LHFPL3: variants seen among roughly 807,000 people sequenced by gnomAD.
LHFPL3 encodes the protein LHFPL tetraspan subfamily member 3, also known as LHFPL tetraspan subfamily member 3 protein.
LHFPL3 carries 5 observed loss-of-function variants against 19.3 expected under a neutral mutation model. The ratio of observed to expected loss-of-function variants is 0.26; its 90% CI spans 0.14 to 0.54. The LOEUF is 0.54. Ranked by LOEUF, LHFPL3 falls within the 20% of genes least tolerant of loss-of-function variation. The probability of loss-of-function intolerance (pLI) is 0.94; values close to 1 mark genes in which losing one functional copy is unlikely to be tolerated. For synonymous variants in LHFPL3, 133 were observed against 126.2 expected (o/e 1.05, Z -0.36); for missense variants, 249 against 307.4 (o/e 0.81, Z 1.42).
At chr7:104,341,894 A>G (rs1789961461) in intron 1 of LHFPL3, among the ~76,000 whole-genome samples, 1 of 132,904 alleles carries the variant, frequency 7.5e-6, no homozygotes, top group Non-Finnish European at 1.5e-5. Flanking sequence ...AAGACTGAAA[A>G]AGAATAAAAA....
At chr7:104,455,537 AC>A (rs1298189975) in intron 1 of LHFPL3, among the ~76,000 whole-genome samples, 16 of 152,296 alleles carry the variant, frequency 1.1e-4, no homozygotes, top group African/African-American at 3.8e-4. Context: ...CCTGGCCAAC[AC>A]GGTGAAACCT....
intron 1 of LHFPL3, among the ~76,000 whole-genome samples, chr7:104,675,624 G>A (rs1230118463): frequency 6.6e-6 from 1 of 152,172 alleles, no homozygotes; most frequent in Non-Finnish European, 1.5e-5. Context: ...TTCCATTAGG[G>A]TGATAACAGA....
intron 1 of LHFPL3, among the ~76,000 whole-genome samples, chr7:104,701,059 T>G (rs1214483102): frequency 6.6e-6 from 1 of 152,230 alleles, no homozygotes; most frequent in Non-Finnish European, 1.5e-5. Context: ...GGTGGTAAAC[T>G]TTGAGTCTGT....
intron 1 of LHFPL3, among the ~76,000 whole-genome samples, chr7:104,615,377 T>G (rs1791312897): frequency 1.3e-5 from 2 of 152,204 alleles, no homozygotes; most frequent in Non-Finnish European, 2.9e-5. Flanking sequence ...TTTTAAAAAT[T>G]ATCATTGTAG....
At chr7:104,748,297 G>A (rs931552353) in intron 2 of LHFPL3, among the ~76,000 whole-genome samples, 13 of 151,632 alleles carry the variant, frequency 8.6e-5, no homozygotes, top group Admixed American at 6.6e-5. Context: ...ATATAGCCTC[G>A]TGGGAAGGGA....
chr7:104,692,601 T>A (rs968461166), intron 1 of LHFPL3, among the ~76,000 whole-genome samples: 2 of 152,352 alleles, frequency 1.3e-5, no homozygotes, highest in African/African-American at 4.8e-5. Flanking sequence ...AGGGCCAACG[T>A]ACAGCTCAGG....
In LHFPL3 at chr7:104,369,177, A is replaced by AC. The variant is rs544263716; in HGVS notation, c.445+39960dup. Among the ~76,000 whole-genome samples, 12 of 151,614 alleles carry AC rather than the reference A, an allele frequency of 7.9e-5. No homozygotes were observed. In the South Asian group the frequency reaches 1.1e-3, roughly 13 times the overall value. On this transcript the variant is annotated intron_variant, in intron 1 of 2. Transcript: ENST00000424859. Reference sequence around the variant, plus strand: ...ATCCAGTTTTAGGACATTACCATCAACCCCCCCAAAATTCTCTTGAGTCTG... The same window carrying AC: ...ATCCAGTTTTAGGACATTACCATCAACCCCCCCCAAAATTCTCTTGAGTCTG...
rs531448501 is a variant in LHFPL3, at chr7:104,880,037, C to CAAA, written c.683-26141_683-26139dup. Among the ~76,000 whole-genome samples the CAAA allele has an allele frequency of 5.5e-4, 78 of 142,796 alleles. 1 individual carries two copies. The highest frequency in any genetic ancestry group is 1.9e-3 in the African/African-American group (75 of 39,196). 93.7% of individuals were successfully genotyped at this position (142,796 alleles called of 152,430 possible). A position where few individuals can be genotyped will look rare whatever the true frequency, so the allele number is the denominator to read the frequency against. Reference sequence around the variant, plus strand: ...CAACATAGTGAGAACTCTGTCTCTTCAAAAAAAAAAACCAAAGACAGGCTC... The same window carrying CAAA: ...CAACATAGTGAGAACTCTGTCTCTTCAAAAAAAAAAAAAACCAAAGACAGGCTC... On this transcript the variant is annotated intron_variant, in intron 2 of 2. Transcript: ENST00000424859.
intron 2 of LHFPL3, among the ~76,000 whole-genome samples, chr7:104,897,288 G>T (rs536450120): frequency 6.6e-6 from 1 of 152,260 alleles, no homozygotes; most frequent in Middle Eastern, 3.4e-3. Flanking sequence ...TCACAGGGCC[G>T]TGGGTGTGTG....
intron 1 of LHFPL3, among the ~76,000 whole-genome samples, chr7:104,556,211 G>C (rs369655614): frequency 1.4e-4 from 21 of 152,268 alleles, no homozygotes; most frequent in African/African-American, 5.1e-4. Flanking sequence ...GCTCCACTAG[G>C]CAGTGCCCCA....
At chr7:104,497,198 T>C (rs578251607) in intron 1 of LHFPL3, among the ~76,000 whole-genome samples, 9 of 151,676 alleles carry the variant, frequency 5.9e-5, no homozygotes, top group Non-Finnish European at 4.4e-5. Context: ...TCCCAGAGCA[T>C]GTCTTATGCA....
At chr7:104,371,172 A>T (rs1353466671) in intron 1 of LHFPL3, among the ~76,000 whole-genome samples, 1 of 152,162 alleles carries the variant, frequency 6.6e-6, no homozygotes, top group Non-Finnish European at 1.5e-5. Context: ...CATAGACTCT[A>T]CTTAGATAGT....
chr7:104,750,434 A>AC (rs1447645908), intron 2 of LHFPL3, among the ~76,000 whole-genome samples: 43 of 152,340 alleles, frequency 2.8e-4, no homozygotes, highest in African/African-American at 9.9e-4. Flanking sequence ...AGGAGTAATA[A>AC]TTGAGCAATC....
chr7:104,888,143 T>C (rs1195526176), intron 2 of LHFPL3, among the ~76,000 whole-genome samples: 1 of 152,202 alleles, frequency 6.6e-6, no homozygotes, highest in Non-Finnish European at 1.5e-5. Flanking sequence ...GGGACCACAA[T>C]ATTAGAGACA....
intron 1 of LHFPL3, among the ~76,000 whole-genome samples, chr7:104,386,696 T>C (rs536247059): frequency 6.6e-6 from 1 of 152,348 alleles, no homozygotes; most frequent in African/African-American, 2.4e-5. Flanking sequence ...GTAGGACCTC[T>C]TGGCAAAGAA....
chr7:104,452,651 T>C (rs959294254), intron 1 of LHFPL3, among the ~76,000 whole-genome samples: 6 of 152,228 alleles, frequency 3.9e-5, no homozygotes, highest in African/African-American at 9.6e-5. Flanking sequence ...ATTGATTTTA[T>C]TGATATTTCT....
chr7:104,368,317 C>T (rs1474229988), intron 1 of LHFPL3, among the ~76,000 whole-genome samples: 2 of 152,110 alleles, frequency 1.3e-5, no homozygotes, highest in African/African-American at 2.4e-5. Flanking sequence ...AACATGAGAT[C>T]TACCCTCTCA....
chr7:104,759,358 A>C (rs1794336790), intron 2 of LHFPL3, among the ~76,000 whole-genome samples: 1 of 152,200 alleles, frequency 6.6e-6, no homozygotes. Flanking sequence ...CCCTGTAGCC[A>C]CAGTTTAAAT....
intron 1 of LHFPL3, chr7:104,668,030 A>T: frequency 6.2e-7 from 1 of 1,613,676 alleles, no homozygotes; most frequent in East Asian, 2.2e-5. Context: ...CCAAATCGCC[A>T]CCCTACACTG....
Sources: gnomAD v4.1 joint callset for allele counts (sites outside exome capture counted in the v4.1 genomes callset) on GRCh38, gnomAD v4.1.1 for gene constraint, MANE v1.5 for transcripts, NCBI Gene and HGNC (gene_info 2026-07-23, HGNC 2026-07-21) for gene names.